CFAP97: variants seen among roughly 807,000 people sequenced by gnomAD.
CFAP97 encodes cilia and flagella associated protein 97, also known as cilia- and flagella-associated protein 97.
CFAP97 carries 36 observed loss-of-function variants against 43.1 expected under a neutral mutation model. The ratio of observed to expected loss-of-function variants is 0.84; its 90% confidence interval spans 0.64 to 1.10. The LOEUF (loss-of-function observed/expected upper bound fraction) is 1.10. Ranked by LOEUF, CFAP97 falls within the 50% of genes least tolerant of loss-of-function variation. The pLI is 0.00. For synonymous variants in CFAP97, 228 were observed against 225.7 expected (o/e 1.01, Z -0.09); for missense variants, 657 against 620.3 (o/e 1.06, Z -0.63).
intron 2 of CFAP97, chr4:185,182,354 T>C (rs1481074577): frequency 6.6e-6 from 1 of 152,122 alleles, no homozygotes; most frequent in African/African-American, 2.4e-5. Flanking sequence ...GACATTTACA[T>C]AGCAAAGGCA....
chr4:185,163,433 A>C lies in CFAP97; in HGVS notation c.1472-508T>G, dbSNP rs536846066. On this transcript the variant is annotated intron_variant, in intron 4 of 4. Coordinates refer to ENST00000458385, the MANE Select transcript of CFAP97 (RefSeq NM_020827.3). The stretch of plus-strand genomic sequence containing the variant: ...TTATTATATGGTTTAGAATGCATAC[A>C]TGAAGTACAGCAGAGACTTCTGTAA... 2.0e-5 allele frequency among the ~76,000 whole-genome samples: 3 copies of C among 152,204 alleles called. No homozygotes were observed. The South Asian group carries it at 6.2e-4, about 32-fold the overall frequency.
chr4:185,190,091 T>C lies in CFAP97; in HGVS notation c.1054+52A>G, dbSNP rs1030315967. ...GCAAATTCATAGCATTTAATATTTA[T>C]GCCCAATATATAATATTTAAACACA... On this transcript the variant is annotated intron_variant, in intron 2 of 4. Coordinates refer to ENST00000458385, the MANE Select transcript of CFAP97 (RefSeq NM_020827.3). The C allele has an allele frequency of 2.7e-5, 37 of 1,347,010 alleles. No individual in the cohort carries two copies. In the African/African-American group the frequency reaches 5.1e-4, roughly 19 times the overall value. 83.4% of individuals were successfully genotyped at this position (1,347,010 alleles called of 1,614,324 possible). A position where few individuals can be genotyped will look rare whatever the true frequency, so the allele number is the denominator to read the frequency against.
chr4:185,191,681 T>C (rs1376784703), intron 1 of CFAP97, among the ~76,000 whole-genome samples: 1 of 152,000 alleles, frequency 6.6e-6, no homozygotes. Context: ...AATACAAAAA[T>C]TAGCTGGGCG....
chr4:185,190,492 T>C lies in CFAP97; in HGVS notation c.705A>G (p.Ser235=). The C allele has an allele frequency of 6.2e-7, 1 of 1,613,984 alleles. No individual in the cohort carries two copies. Among genetic ancestry groups the C allele is most frequent in the South Asian group, 1.1e-5 (1 of 91,064 alleles). The change falls in exon 2 of 5, where the codon TCA becomes TCG. Residue 235 remains serine, a synonymous_variant. Coordinates refer to ENST00000458385, the MANE Select transcript of CFAP97 (RefSeq NM_020827.3). The stretch of plus-strand genomic sequence containing the variant: ...AGTGGCCACATTTTGGTGTAGTACT[T>C]GAAGGCTGTGTTTCTGTCGATTTTA... ...SGIKSTETQP[S]STTPKCGHYP...
At position 185,177,073 on chromosome 4, in the gene CFAP97, A is replaced by G. The variant is rs189611650; in HGVS notation, c.1055-1022T>C. On this transcript the variant is annotated intron_variant, in intron 2 of 4. Transcript: ENST00000458385. ...ACTAAACATTTGTAGAAAACATCCA[A>G]AAGTATTAAACTTGCTGAATGTTTC... Among the ~76,000 whole-genome samples, 23 of 152,308 alleles carry G rather than the reference A, an allele frequency of 1.5e-4. No individual in the cohort carries two copies. The East Asian group carries it at 3.7e-3, about 24-fold the overall frequency.
At chr4:185,163,387 C>G (rs559158360) in intron 4 of CFAP97, among the ~76,000 whole-genome samples, 1 of 151,956 alleles carries the variant, frequency 6.6e-6, no homozygotes. Context: ...TGGCATCGGG[C>G]GGTTTGGTAT....
upstream of CFAP97, among the ~76,000 whole-genome samples, chr4:185,206,818 C>T (rs114140568): frequency 1.8e-3 from 271 of 152,264 alleles, 1 homozygote; most frequent in African/African-American, 6.3e-3. Flanking sequence ...CACCCTTCGC[C>T]GGCTGGAGAG....
chr4:185,202,390 A>T (rs569141863), intron 1 of CFAP97, among the ~76,000 whole-genome samples: 18 of 152,212 alleles, frequency 1.2e-4, no homozygotes, highest in African/African-American at 4.3e-4. Flanking sequence ...CTCTACAAAA[A>T]ATACAAAAAT....
intron 1 of CFAP97, among the ~76,000 whole-genome samples, chr4:185,197,501 C>T (rs1030067894): frequency 6.6e-6 from 1 of 151,540 alleles, no homozygotes; most frequent in African/African-American, 2.4e-5. Context: ...GATCTCGGCT[C>T]ACCGCAACCT....
At chr4:185,164,813 A>C (rs1161498357) in intron 3 of CFAP97, among the ~76,000 whole-genome samples, 1 of 152,242 alleles carries the variant, frequency 6.6e-6, no homozygotes, top group Non-Finnish European at 1.5e-5. Context: ...TTTCTCATAG[A>C]CATGATGTAA....
At chr4:185,172,096 T>C (rs542490123) in intron 3 of CFAP97, among the ~76,000 whole-genome samples, 2 of 152,200 alleles carry the variant, frequency 1.3e-5, no homozygotes, top group Non-Finnish European at 2.9e-5. Context: ...TTACAAGTAA[T>C]AAAATTCTAA....
intron 1 of CFAP97, among the ~76,000 whole-genome samples, chr4:185,199,892 G>A (rs1736747784): frequency 6.6e-6 from 1 of 152,182 alleles, no homozygotes; most frequent in Non-Finnish European, 1.5e-5. Context: ...TAGCTCTAAT[G>A]AAGATGTGCA....
chr4:185,171,579 A>C (rs1735303676), intron 3 of CFAP97, among the ~76,000 whole-genome samples: 1 of 152,170 alleles, frequency 6.6e-6, no homozygotes, highest in Non-Finnish European at 1.5e-5. Context: ...AGAATGAAAT[A>C]ATCTCACTTC....
At chr4:185,188,895 G>A (rs1391931175) in intron 2 of CFAP97, among the ~76,000 whole-genome samples, 2 of 151,884 alleles carry the variant, frequency 1.3e-5, no homozygotes, top group Non-Finnish European at 2.9e-5. Context: ...GGTACAATCA[G>A]AGAAAGGGAG....
Position 185,190,142 on chromosome 4 carries a change from C to T in CFAP97, c.1054+1G>A. 1.9e-6 allele frequency: 3 copies of T among 1,540,054 alleles called. No individual in the cohort carries two copies. The highest frequency in any genetic ancestry group is 2.5e-5 in the South Asian group (2 of 80,848). On this transcript the variant is annotated splice_donor_variant, in intron 2 of 4. Transcript: ENST00000458385. LOFTEE classifies it high-confidence loss of function. The stretch of plus-strand genomic sequence containing the variant: ...CATTTTTAAGAAGAAAAGAAAATTA[C>T]CTTTCAAGAGATGATTCAGATCCAT...
In CFAP97 at chr4:185,159,959, T is replaced by A. The variant is rs1407420816; in HGVS notation, c.*2839A>T. Reference sequence around the variant, plus strand: ...TTTATATTGGTCTTAACATGTTTCATAGTTTGCAGTATTTGAAGAATCTGA... The same window carrying A: ...TTTATATTGGTCTTAACATGTTTCAAAGTTTGCAGTATTTGAAGAATCTGA... On this transcript the variant is annotated 3_prime_UTR_variant, in exon 5 of 5. Transcript: ENST00000458385. 2 of 152,354 alleles carry A rather than the reference T, an allele frequency of 1.3e-5. No homozygotes were observed. The highest frequency in any genetic ancestry group is 3.9e-4 in the East Asian group (2 of 5,194). 9.4% of individuals were successfully genotyped at this position (152,354 alleles called of 1,614,324 possible). A position where few individuals can be genotyped will look rare whatever the true frequency, so the allele number is the denominator to read the frequency against.
chr4:185,185,270 A>G (rs562291427), intron 2 of CFAP97, among the ~76,000 whole-genome samples: 1 of 152,304 alleles, frequency 6.6e-6, no homozygotes, highest in South Asian at 2.1e-4. Flanking sequence ...ATGAACGAAG[A>G]GCAATGCAGC....
chr4:185,164,273 CTT>C (rs34135937), intron 3 of CFAP97, 94 bp from the exon 4 acceptor site: 64 of 992,548 alleles, frequency 6.4e-5, no homozygotes, highest in Middle Eastern at 3.0e-4. Flanking sequence ...CACTTTCTTT[CTT>C]TTTTTTTTTA....
chr4:185,169,654 T>C, intron 3 of CFAP97: 1 of 985,362 alleles, frequency 1.0e-6, no homozygotes, highest in Non-Finnish European at 1.2e-6. Context: ...TTTAAACAAA[T>C]GTAAACAAAT....
Sources: gnomAD v4.1 joint callset for allele counts (sites outside exome capture counted in the v4.1 genomes callset) on GRCh38, gnomAD v4.1.1 for gene constraint, MANE v1.5 for transcripts, NCBI Gene and HGNC (gene_info 2026-07-23, HGNC 2026-07-21) for gene names.